The following CHRM3 variants were observed in gnomAD, a reference collection of about 807,000 sequenced individuals.
CHRM3 encodes the protein muscarinic acetylcholine receptor M3.
CHRM3 carries 11 observed loss-of-function variants against 41.8 expected under a neutral mutation model. The ratio of observed to expected loss-of-function variants is 0.26; its 90% CI spans 0.17 to 0.44. CHRM3 has a LOEUF of 0.44. Among genes scored for constraint, CHRM3 ranks in the 20% least tolerant of loss-of-function variants. The probability of loss-of-function intolerance (pLI) is 1.00; values close to 1 mark genes in which losing one functional copy is unlikely to be tolerated. For synonymous variants in CHRM3, 297 were observed against 301.4 expected (o/e 0.99, Z 0.15); for missense variants, 571 against 745.4 (o/e 0.77, Z 2.72).
intron 6 of CHRM3, among the ~76,000 whole-genome samples, chr1:239,893,971 T>C (rs924546485): frequency 4.6e-5 from 7 of 152,180 alleles, no homozygotes; most frequent in Non-Finnish European, 7.3e-5. Flanking sequence ...CTTCTCCTTC[T>C]TCTTCGTCAG....
chr1:239,879,714 C>T (rs760656202), intron 6 of CHRM3, among the ~76,000 whole-genome samples: 6 of 152,310 alleles, frequency 3.9e-5, no homozygotes, highest in African/African-American at 9.6e-5. Context: ...CCTCTTCCTT[C>T]TTGTCTCTCC....
chr1:239,411,172 A>G (rs1342825004), intron 1 of CHRM3, among the ~76,000 whole-genome samples: 1 of 151,972 alleles, frequency 6.6e-6, no homozygotes, highest in Admixed American at 6.6e-5. Flanking sequence ...AATGTATTGA[A>G]CTCTCCTATG....
chr1:239,567,664 G>A (rs1204915541), intron 3 of CHRM3, among the ~76,000 whole-genome samples: 1 of 152,148 alleles, frequency 6.6e-6, no homozygotes, highest in African/African-American at 2.4e-5. Flanking sequence ...TTATATATCG[G>A]TGTGTGAAGG....
chr1:239,892,456 T>C (rs1163292808), intron 6 of CHRM3, among the ~76,000 whole-genome samples: 2 of 152,234 alleles, frequency 1.3e-5, no homozygotes, highest in African/African-American at 4.8e-5. Flanking sequence ...CCTTGGAGTT[T>C]ATTGTTTTAA....
In CHRM3 at chr1:239,708,381, C is replaced by A. The variant is rs563038846; in HGVS notation, c.-147+30093C>A. On this transcript the variant is annotated intron_variant, in intron 5 of 6. Transcript: ENST00000676153. ...TTGCAGGAGACTTCCAATTGCCCTC[C>A]CTGCTTTAGCACTGACCCCTTCAAC... 4.6e-5 allele frequency among the ~76,000 whole-genome samples: 7 copies of A among 152,262 alleles called. No individual in the cohort carries two copies. The South Asian group carries it at 1.4e-3, about 32-fold the overall frequency.
intron 4 of CHRM3, among the ~76,000 whole-genome samples, chr1:239,639,648 T>C (rs1320141647): frequency 1.3e-5 from 2 of 151,748 alleles, no homozygotes; most frequent in Admixed American, 1.3e-4. Context: ...GCTTATCAGC[T>C]TAAGGAGATT....
chr1:239,803,645 A>G (rs558172630), intron 5 of CHRM3, among the ~76,000 whole-genome samples: 1 of 152,320 alleles, frequency 6.6e-6, no homozygotes, highest in Admixed American at 6.5e-5. Flanking sequence ...AAGTTTAATC[A>G]TAGATGACGT....
At chr1:239,863,269 G>A (rs1675787352) in intron 6 of CHRM3, among the ~76,000 whole-genome samples, 1 of 152,172 alleles carries the variant, frequency 6.6e-6, no homozygotes. Flanking sequence ...TCAAAGGATG[G>A]GACAATGGTT....
chr1:239,820,633 G>A (rs1016511618), intron 5 of CHRM3, among the ~76,000 whole-genome samples: 1 of 152,032 alleles, frequency 6.6e-6, no homozygotes, highest in Non-Finnish European at 1.5e-5. Flanking sequence ...TTTCAGTACA[G>A]CATGTACAAA....
chr1:239,659,208 G>A (rs1672977893), intron 4 of CHRM3, among the ~76,000 whole-genome samples: 1 of 152,068 alleles, frequency 6.6e-6, no homozygotes, highest in Non-Finnish European at 1.5e-5. Context: ...TGTCTCTGGG[G>A]AGAAAGAAAT....
At chr1:239,642,860 GT>G (rs1159357271) in intron 4 of CHRM3, among the ~76,000 whole-genome samples, 2 of 152,138 alleles carry the variant, frequency 1.3e-5, no homozygotes, top group Non-Finnish European at 2.9e-5. Context: ...AGAGTTTCCA[GT>G]TTTTCTGCTC....
At chr1:239,501,724 G>C (rs923950692) in intron 2 of CHRM3, among the ~76,000 whole-genome samples, 5 of 152,064 alleles carry the variant, frequency 3.3e-5, no homozygotes, top group Admixed American at 1.3e-4. Context: ...TGGGTGTGGT[G>C]GTGGGTGCCT....
intron 5 of CHRM3, among the ~76,000 whole-genome samples, chr1:239,753,968 C>T (rs1336968430): frequency 2.6e-5 from 4 of 152,110 alleles, no homozygotes; most frequent in African/African-American, 9.7e-5. Context: ...GTAGAAGTCT[C>T]GGATGGTAGG....
At chr1:239,901,509 G>A (rs1436196494) in intron 6 of CHRM3, among the ~76,000 whole-genome samples, 1 of 151,880 alleles carries the variant, frequency 6.6e-6, no homozygotes, top group Non-Finnish European at 1.5e-5. Flanking sequence ...ACTAAAGGTG[G>A]TATCTGTCTA....
intron 6 of CHRM3, among the ~76,000 whole-genome samples, chr1:239,845,432 T>C (rs1674182905): frequency 6.6e-6 from 1 of 152,200 alleles, no homozygotes; most frequent in Non-Finnish European, 1.5e-5. Context: ...TCTTGAAAAG[T>C]CCAACCTAGT....
At chr1:239,580,704 T>TATATATATATATATATATATACAC (rs570878631) in intron 3 of CHRM3, among the ~76,000 whole-genome samples, 8 of 131,074 alleles carry the variant, frequency 6.1e-5, no homozygotes, top group African/African-American at 2.3e-4. Flanking sequence ...TATATATATA[T>TATATATATATATATATATATACAC]ACACACACAC....
At chr1:239,787,473 G>T (rs1037886119) in intron 5 of CHRM3, among the ~76,000 whole-genome samples, 1 of 152,096 alleles carries the variant, frequency 6.6e-6, no homozygotes, top group African/African-American at 2.4e-5. Context: ...GGTCTTAGAA[G>T]CCGAAACAAG....
rs546280423 is a variant in CHRM3, at chr1:239,893,785, C to T, written c.-19-13648C>T. Among the ~76,000 whole-genome samples, 10 of 149,450 alleles carry T rather than the reference C, an allele frequency of 6.7e-5. No homozygotes were observed. The South Asian group carries it at 1.7e-3, about 26-fold the overall frequency. ...GAAAACATGTCCCTGAAAAAACAAT[C>T]GAAATCAAAATAAAATTGTAGGGTT... is the stretch of plus-strand genomic sequence containing the variant. On this transcript the variant is annotated intron_variant, in intron 6 of 6. Coordinates refer to ENST00000676153, the MANE Select transcript of CHRM3 (RefSeq NM_001375978.1).
At position 239,666,209 on chromosome 1, in the gene CHRM3, G is replaced by A. The variant is rs368632138; in HGVS notation, c.-249-11977G>A. Among the ~76,000 whole-genome samples, 48 of 150,236 alleles carry A rather than the reference G, an allele frequency of 3.2e-4. 1 individual carries two copies. Among genetic ancestry groups the A allele is most frequent in the African/African-American group, 9.0e-4 (37 of 40,932 alleles). On this transcript the variant is annotated intron_variant, in intron 4 of 6. Transcript: ENST00000676153. The stretch of plus-strand genomic sequence containing the variant: ...TTGCCTGACTTTTTTTTTTTTTGGC[G>A]GGGGGGATGGAGTCTCGCTCTGTCA...
Sources: gnomAD v4.1 joint callset for allele counts (sites outside exome capture counted in the v4.1 genomes callset) on GRCh38, gnomAD v4.1.1 for gene constraint, MANE v1.5 for transcripts, NCBI Gene and HGNC (gene_info 2026-07-23, HGNC 2026-07-21) for gene names.